CFAP299: variants seen among roughly 807,000 people sequenced by gnomAD.
The protein encoded by CFAP299 is cilia and flagella associated protein 299.
In CFAP299, 21 loss-of-function variants were observed where a neutral mutation model predicts 27.0. The ratio of observed to expected loss-of-function variants is 0.78; its 90% CI spans 0.55 to 1.12. CFAP299 has a LOEUF of 1.12. Among genes scored for constraint, CFAP299 ranks in the 50% most tolerant of loss-of-function variants. The pLI is 0.00. For synonymous variants in CFAP299, 104 were observed against 98.1 expected (o/e 1.06, Z -0.36); for missense variants, 310 against 276.6 (o/e 1.12, Z -0.86).
At chr4:80,609,975 T>C (rs1008305468) in intron 3 of CFAP299, among the ~76,000 whole-genome samples, 11 of 152,080 alleles carry the variant, frequency 7.2e-5, no homozygotes, top group African/African-American at 2.7e-4. Context: ...CTTATCCAGA[T>C]TATATCTGGG....
chr4:80,775,082 G>T (rs892555217), intron 3 of CFAP299, among the ~76,000 whole-genome samples: 11 of 148,158 alleles, frequency 7.4e-5, no homozygotes, highest in Non-Finnish European at 1.4e-4. Flanking sequence ...AAAAAAAAAA[G>T]AAAAAGAAAA....
At chr4:80,939,773 C>T (rs910631920) in intron 4 of CFAP299, among the ~76,000 whole-genome samples, 2 of 152,132 alleles carry the variant, frequency 1.3e-5, no homozygotes, top group African/African-American at 4.8e-5. Context: ...TCTTTACTAT[C>T]TGTCTTCAAA....
intron 5 of CFAP299, among the ~76,000 whole-genome samples, chr4:80,945,173 G>A (rs1737409315): frequency 6.6e-6 from 1 of 152,160 alleles, no homozygotes; most frequent in South Asian, 2.1e-4. Flanking sequence ...CTCACAAGTG[G>A]AAACACTTCT....
intron 2 of CFAP299, among the ~76,000 whole-genome samples, chr4:80,527,542 A>G (rs1733252137): frequency 6.6e-6 from 1 of 152,170 alleles, no homozygotes; most frequent in African/African-American, 2.4e-5. Context: ...GAGCAAAGGC[A>G]GAATTAGAAA....
In CFAP299 at chr4:80,762,533, C is replaced by T. The variant is rs534780215; in HGVS notation, c.334-107460C>T. ...GAAATAAGGTTAGTAATTTTAATTTCAGTAAGTTAGAGCATAACTTTAATT... is the reference window on the plus strand; with the variant it reads ...GAAATAAGGTTAGTAATTTTAATTTTAGTAAGTTAGAGCATAACTTTAATT... On this transcript the variant is annotated intron_variant, in intron 3 of 5. Transcript: ENST00000358105. Among the ~76,000 whole-genome samples, 84 of 152,192 alleles carry T rather than the reference C, an allele frequency of 5.5e-4. 2 individuals are homozygous for T. The South Asian group carries it at 0.017, about 31-fold the overall frequency.
At chr4:80,545,656 T>C (rs966453281) in intron 2 of CFAP299, among the ~76,000 whole-genome samples, 12 of 152,250 alleles carry the variant, frequency 7.9e-5, no homozygotes, top group African/African-American at 2.9e-4. Context: ...AGGCAAATTC[T>C]ACCAGATTTA....
intron 2 of CFAP299, among the ~76,000 whole-genome samples, chr4:80,579,044 C>T (rs1201804100): frequency 2.0e-5 from 3 of 151,984 alleles, no homozygotes; most frequent in Non-Finnish European, 4.4e-5. Context: ...AACAGAAAAC[C>T]CCAAAATGAC....
At chr4:80,327,167 A>T in the CFAP299 span, among the ~76,000 whole-genome samples, 8 of 152,306 alleles carry the variant, frequency 5.3e-5, no homozygotes, top group South Asian at 8.3e-4. Context: ...AGTTTAGTAT[A>T]TGCCCTAAGG....
At chr4:80,613,639 C>G (rs1474558232) in intron 3 of CFAP299, among the ~76,000 whole-genome samples, 3 of 152,146 alleles carry the variant, frequency 2.0e-5, no homozygotes, top group African/African-American at 7.2e-5. Flanking sequence ...TGCAGTCCAT[C>G]TGTCACTTGC....
At chr4:80,771,212 C>T (rs1250675719) in intron 3 of CFAP299, among the ~76,000 whole-genome samples, 1 of 152,092 alleles carries the variant, frequency 6.6e-6, no homozygotes, top group Non-Finnish European at 1.5e-5. Flanking sequence ...CTCTATACCC[C>T]CACTTCCTAG....
At chr4:80,618,262 A>C (rs1034398229) in intron 3 of CFAP299, among the ~76,000 whole-genome samples, 5 of 152,168 alleles carry the variant, frequency 3.3e-5, no homozygotes, top group Non-Finnish European at 5.9e-5. Flanking sequence ...AAGAGGTAAG[A>C]GATACAGTAT....
Position 80,941,446 on chromosome 4 carries a change from A to G in CFAP299, c.477-3364A>G, listed in dbSNP as rs184205371. 4.1e-3 allele frequency among the ~76,000 whole-genome samples: 618 copies of G among 152,330 alleles called. 1 individual carries two copies. The highest frequency in any genetic ancestry group is 0.014 in the Middle Eastern group (4 of 294). ...ACAGGACCTAACTGGAATATACTGC[A>G]TACTAGTTAAATGCTTGTTTAATTG... On this transcript the variant is annotated intron_variant, in intron 4 of 5. Transcript: ENST00000358105.
At chr4:80,571,457 G>A (rs1330450265) in intron 2 of CFAP299, among the ~76,000 whole-genome samples, 1 of 151,852 alleles carries the variant, frequency 6.6e-6, no homozygotes, top group East Asian at 1.9e-4. Flanking sequence ...CTCACATGAT[G>A]AAAAAAACTT....
chr4:80,552,710 TAG>T (rs1369811289), intron 2 of CFAP299, among the ~76,000 whole-genome samples: 3 of 152,194 alleles, frequency 2.0e-5, no homozygotes, highest in Non-Finnish European at 4.4e-5. Context: ...TTTTCAGAGA[TAG>T]AGTCTTGCTC....
chr4:80,865,477 AT>A (rs1199923865), intron 3 of CFAP299, among the ~76,000 whole-genome samples: 4 of 152,172 alleles, frequency 2.6e-5, no homozygotes, highest in Non-Finnish European at 5.9e-5. Flanking sequence ...TTCTGCCTCT[AT>A]AACCCTCAAC....
intron 4 of CFAP299, among the ~76,000 whole-genome samples, chr4:80,930,201 A>G (rs1281639093): frequency 6.6e-6 from 1 of 152,210 alleles, no homozygotes; most frequent in Non-Finnish European, 1.5e-5. Context: ...CCAAAGGGAC[A>G]GGGTTCAAAG....
chr4:80,695,657 A>T (rs1270567447), intron 3 of CFAP299, among the ~76,000 whole-genome samples: 1 of 148,474 alleles, frequency 6.7e-6, no homozygotes, highest in African/African-American at 2.5e-5. Context: ...GGATCTTATG[A>T]TCTTATCCTT....
intron 1 of CFAP299, among the ~76,000 whole-genome samples, chr4:80,343,036 A>T (rs948895151): frequency 1.3e-5 from 2 of 152,224 alleles, no homozygotes; most frequent in African/African-American, 2.4e-5. Context: ...CTAGTTTCTG[A>T]CAAAGCAGAC....
intron 2 of CFAP299, among the ~76,000 whole-genome samples, chr4:80,384,460 A>G (rs1724866692): frequency 6.6e-6 from 1 of 152,204 alleles, no homozygotes; most frequent in South Asian, 2.1e-4. Context: ...TAATTTTTAA[A>G]TGAAACTGTC....
Sources: gnomAD v4.1 joint callset for allele counts (sites outside exome capture counted in the v4.1 genomes callset) on GRCh38, gnomAD v4.1.1 for gene constraint, MANE v1.5 for transcripts, NCBI Gene and HGNC (gene_info 2026-07-23, HGNC 2026-07-21) for gene names.